GPR39: variants seen among roughly 807,000 people sequenced by gnomAD.
The protein encoded by GPR39 is G protein-coupled receptor 39.
A neutral mutation model predicts 18.4 loss-of-function variants in GPR39; 23 were observed. That is an observed-to-expected ratio of 1.25 (90% CI 0.90 to 1.77). The LOEUF (loss-of-function observed/expected upper bound fraction) is 1.77, where lower values mean the gene tolerates loss of function less well. GPR39 is among the 40% of genes most tolerant of loss of function. GPR39 has a pLI of 0.00. For synonymous variants in GPR39, 280 were observed against 257.9 expected, an observed-to-expected ratio of 1.09 and a Z score of -0.82; for missense variants, 647 against 602.4, an observed-to-expected ratio of 1.07 and a Z score of -0.78.
At chr2:132,630,335 A>G (rs2104868709) in intron 1 of GPR39, among the ~76,000 whole-genome samples, 1 of 152,300 alleles carries the variant, frequency 6.6e-6, no homozygotes, top group South Asian at 2.1e-4. Flanking sequence ...GTGAAACATG[A>G]ATAACAGTTA....
At chr2:132,494,278 C>T (rs1681596398) in intron 1 of GPR39, among the ~76,000 whole-genome samples, 1 of 152,164 alleles carries the variant, frequency 6.6e-6, no homozygotes, top group African/African-American at 2.4e-5. Context: ...CTGAGAAAGA[C>T]CTTCTCCAGA....
At chr2:132,513,013 A>G (rs1001456286) in intron 1 of GPR39, among the ~76,000 whole-genome samples, 11 of 152,120 alleles carry the variant, frequency 7.2e-5, no homozygotes, top group African/African-American at 2.2e-4. Flanking sequence ...CTGTGCCCAT[A>G]TGAAGTCAGC....
At chr2:132,497,261 C>G (rs13389584) in intron 1 of GPR39, among the ~76,000 whole-genome samples, 1 of 151,872 alleles carries the variant, frequency 6.6e-6, no homozygotes, top group African/African-American at 2.4e-5. Flanking sequence ...CCTCAAGCAA[C>G]GGGAAAATTG....
chr2:132,545,772 A>G (rs752420905), intron 1 of GPR39, among the ~76,000 whole-genome samples: 1 of 152,156 alleles, frequency 6.6e-6, no homozygotes, highest in Non-Finnish European at 1.5e-5. Flanking sequence ...GAATCAGATC[A>G]GTCAGTCTGG....
chr2:132,506,609 G>A (rs368858914), intron 1 of GPR39, among the ~76,000 whole-genome samples: 45 of 152,228 alleles, frequency 3.0e-4, no homozygotes, highest in African/African-American at 8.7e-4. Context: ...CTCTTCACAG[G>A]GCAGCAGGAG....
At chr2:132,531,729 C>T (rs914776735) in intron 1 of GPR39, among the ~76,000 whole-genome samples, 3 of 152,212 alleles carry the variant, frequency 2.0e-5, no homozygotes, top group Admixed American at 2.0e-4. Flanking sequence ...GGAAACTGAA[C>T]AACCTGCTCC....
intron 1 of GPR39, among the ~76,000 whole-genome samples, chr2:132,593,342 A>C (rs1680879364): frequency 6.6e-6 from 1 of 152,112 alleles, no homozygotes; most frequent in Non-Finnish European, 1.5e-5. Context: ...CCAACCCCCT[A>C]ATCACATGGT....
chr2:132,619,185 C>T (rs1238246244), intron 1 of GPR39, among the ~76,000 whole-genome samples: 3 of 152,202 alleles, frequency 2.0e-5, no homozygotes. Context: ...GTGAGGTGCA[C>T]ACCAACCCTC....
chr2:132,546,686 GA>G (rs1203516268), intron 1 of GPR39, among the ~76,000 whole-genome samples: 1 of 151,218 alleles, frequency 6.6e-6, no homozygotes, highest in Non-Finnish European at 1.5e-5. Flanking sequence ...CTATAAAATA[GA>G]AAACTCGGTC....
chr2:132,490,867 A>C (rs13399676), intron 1 of GPR39, among the ~76,000 whole-genome samples: 3,522 of 152,228 alleles, frequency 0.023, 124 homozygotes, highest in African/African-American at 0.08. Flanking sequence ...AACTCCCCAA[A>C]TATCCACCCT....
At position 132,504,798 on chromosome 2, in the gene GPR39, T is replaced by C. The variant is rs149350724; in HGVS notation, c.856+86900T>C. ...ATAATTTAAAAATATATATAGTTTTTGAATTCATTTGTTGAAATATTTAAA... is the reference window on the plus strand; with the variant it reads ...ATAATTTAAAAATATATATAGTTTTCGAATTCATTTGTTGAAATATTTAAA... On this transcript the variant is annotated intron_variant, in intron 1 of 1. Transcript: ENST00000329321. Among the ~76,000 whole-genome samples the C allele has an allele frequency of 8.5e-5, 13 of 152,374 alleles. No homozygotes were observed. In the East Asian group the frequency reaches 2.5e-3, roughly 29 times the overall value.
At position 132,467,407 on chromosome 2, in the gene GPR39, T is replaced by A. The variant is rs1680947074; in HGVS notation, c.856+49509T>A. 2.0e-5 allele frequency among the ~76,000 whole-genome samples: 3 copies of A among 152,112 alleles called. No homozygotes were observed. The South Asian group carries it at 6.2e-4, about 32-fold the overall frequency. On this transcript the variant is annotated intron_variant, in intron 1 of 1. Coordinates refer to ENST00000329321, the MANE Select transcript of GPR39 (RefSeq NM_001508.3). ...GGCAACAGCAGAAACTGAGGACTAC[T>A]AGAGAGGGAGGGTCAGAGCAGGGAA...
intron 1 of GPR39, among the ~76,000 whole-genome samples, chr2:132,606,730 G>A (rs1028093004): frequency 1.3e-5 from 2 of 152,214 alleles, no homozygotes; most frequent in Non-Finnish European, 2.9e-5. Flanking sequence ...GGCTTAGAGG[G>A]TGAGTGCAAG....
chr2:132,417,466 A>G lies in GPR39; in HGVS notation c.424A>G (p.Arg142Gly). 6.2e-7 allele frequency: 1 copy of G among 1,614,152 alleles called. No individual in the cohort carries two copies. The highest frequency in any genetic ancestry group is 8.5e-7 in the Non-Finnish European group (1 of 1,180,024). Residue 142 changes from arginine to glycine, a missense_variant, in exon 1 of 2, where the codon AGG becomes GGG. Around this residue, in one of 3 missense-constraint regions of GPR39, gnomAD observed 581 missense variants for 506.8 expected, o/e 1.15. Transcript: ENST00000329321. ...CTACATCGCCATCTGTCACCCCTTC[A>G]GGTACAAGGCTGTGTCGGGACCTTG... ...ERYIAICHPF[R>G]YKAVSGPCQV...
intron 1 of GPR39, among the ~76,000 whole-genome samples, chr2:132,529,581 A>G (rs932088538): frequency 5.9e-5 from 9 of 152,226 alleles, no homozygotes; most frequent in Admixed American, 4.6e-4. Context: ...ACCACTGAGT[A>G]GCCTAAGTGG....
At chr2:132,562,834 G>C (rs1381446266) in intron 1 of GPR39, among the ~76,000 whole-genome samples, 1 of 152,002 alleles carries the variant, frequency 6.6e-6, no homozygotes, top group Non-Finnish European at 1.5e-5. Context: ...AGCTCATGCA[G>C]CAACACCGAG....
chr2:132,592,278 C>G (rs1272149626), intron 1 of GPR39, among the ~76,000 whole-genome samples: 1 of 152,090 alleles, frequency 6.6e-6, no homozygotes, highest in African/African-American at 2.4e-5. Flanking sequence ...TGCACTGAGA[C>G]AGTGACATTT....
chr2:132,430,415 T>A (rs911169953), intron 1 of GPR39, among the ~76,000 whole-genome samples: 1 of 152,164 alleles, frequency 6.6e-6, no homozygotes, highest in African/African-American at 2.4e-5. Flanking sequence ...GTGCCAAGGT[T>A]CTTTGACTAG....
At chr2:132,539,947 A>G (rs978604403) in intron 1 of GPR39, among the ~76,000 whole-genome samples, 37 of 152,146 alleles carry the variant, frequency 2.4e-4, no homozygotes, top group Admixed American at 2.4e-3. Context: ...AGTCCAAAGA[A>G]TTATGATGCA....
Sources: gnomAD v4.1 joint callset for allele counts (sites outside exome capture counted in the v4.1 genomes callset) on GRCh38, gnomAD v4.1.1 for gene constraint, gnomAD v4.1.1 regional missense constraint, MANE v1.5 for transcripts, NCBI Gene and HGNC (gene_info 2026-07-23, HGNC 2026-07-21) for gene names.